The following JMJD1C variants were observed in gnomAD, a reference collection of about 807,000 sequenced individuals.
JMJD1C encodes the protein jumonji domain containing 1C.
JMJD1C carries 31 observed loss-of-function variants against 245.3 expected under a neutral mutation model. The observed-to-expected ratio is 0.13, with a 90% confidence interval of 0.09 to 0.17. JMJD1C has a LOEUF of 0.17. JMJD1C is among the 10% of genes least tolerant of loss of function. The pLI, the probability that JMJD1C is intolerant of heterozygous loss-of-function variation, is 1.00. For synonymous variants in JMJD1C, 1,057 were observed against 1,017.4 expected, an observed-to-expected ratio of 1.04 and a Z score of -0.74; for missense variants, 2,691 against 3,000.2, an observed-to-expected ratio of 0.90 and a Z score of 2.41.
At chr10:63,388,580 G>A (rs193042768) in intron 1 of JMJD1C, among the ~76,000 whole-genome samples, 1 of 152,152 alleles carries the variant, frequency 6.6e-6, no homozygotes, top group East Asian at 1.9e-4. Flanking sequence ...TCAAGGAAGA[G>A]AAAAGCCTCA....
intron 3 of JMJD1C, among the ~76,000 whole-genome samples, chr10:63,223,752 T>G (rs1421569175): frequency 6.6e-6 from 1 of 151,518 alleles, no homozygotes; most frequent in African/African-American, 2.4e-5. Context: ...TTATAAATAT[T>G]TTTTGTTTTG....
At chr10:63,267,435 G>A (rs1564709807) in intron 2 of JMJD1C, among the ~76,000 whole-genome samples, 1 of 152,052 alleles carries the variant, frequency 6.6e-6, no homozygotes, top group Non-Finnish European at 1.5e-5. Flanking sequence ...AAAAACAAAT[G>A]GGTCCTACAG....
At chr10:63,305,896 T>A (rs537313737) in intron 2 of JMJD1C, among the ~76,000 whole-genome samples, 34 of 151,936 alleles carry the variant, frequency 2.2e-4, no homozygotes, top group African/African-American at 8.2e-4. Context: ...ACTAATTTTT[T>A]TATTTTTTGT....
chr10:63,387,907 T>A lies in JMJD1C; in HGVS notation c.169-7425A>T, dbSNP rs563490852. Among the ~76,000 whole-genome samples the A allele has an allele frequency of 9.2e-5, 14 of 152,080 alleles. No homozygotes were observed. The South Asian group carries it at 2.9e-3, about 32-fold the overall frequency. On this transcript the variant is annotated intron_variant, in intron 1 of 25. Transcript: ENST00000399262. ...GTCTCAGCCTCCCAAAGTGCTGGGA[T>A]TACAGGCGTGAGCCACTGCGCCTGG...
intron 13 of JMJD1C, among the ~76,000 whole-genome samples, chr10:63,195,561 A>G (rs1045066084): frequency 1.3e-5 from 2 of 152,104 alleles, no homozygotes; most frequent in Admixed American, 1.3e-4. Flanking sequence ...AAACCTACTC[A>G]ATCTGAGTTT....
intron 1 of JMJD1C, among the ~76,000 whole-genome samples, chr10:63,438,261 CA>C (rs1013843651): frequency 1.2e-4 from 19 of 152,094 alleles, no homozygotes; most frequent in Non-Finnish European, 2.1e-4. Context: ...TTGCAGGAGC[CA>C]AAACCTTAGA....
At chr10:63,332,306 G>A (rs1353982596) in intron 2 of JMJD1C, among the ~76,000 whole-genome samples, 2 of 152,288 alleles carry the variant, frequency 1.3e-5, no homozygotes, top group Non-Finnish European at 2.9e-5. Flanking sequence ...GTCAATTCAT[G>A]ATTTCTAGGA....
chr10:63,484,135 T>C (rs181913909), intron 1 of JMJD1C, among the ~76,000 whole-genome samples: 80 of 151,916 alleles, frequency 5.3e-4, no homozygotes, highest in African/African-American at 1.9e-3. Context: ...AAAGGCAGTG[T>C]TTATATTCAC....
upstream of JMJD1C, among the ~76,000 whole-genome samples, chr10:63,468,042 C>T (rs1020271001): frequency 6.6e-6 from 1 of 152,150 alleles, no homozygotes; most frequent in Non-Finnish European, 1.5e-5. Context: ...GCAAACTGCT[C>T]TAAATGGGCC....
chr10:63,398,645 ATTTTT>A (rs61130615), intron 1 of JMJD1C, among the ~76,000 whole-genome samples: 2 of 122,664 alleles, frequency 1.6e-5, no homozygotes, highest in East Asian at 4.8e-4. Context: ...CTGAAAAAAA[ATTTTT>A]TTTTTTTTTT....
At chr10:63,215,185 C>A in intron 7 of JMJD1C, 34 bp from the exon 8 acceptor site, 1 of 1,502,710 alleles carries the variant, frequency 6.7e-7, no homozygotes. Flanking sequence ...TCTTATTTTT[C>A]ATACTAAATA....
chr10:63,391,530 C>CAACAA (rs1427434538), intron 1 of JMJD1C, among the ~76,000 whole-genome samples: 2 of 151,652 alleles, frequency 1.3e-5, no homozygotes, highest in East Asian at 3.9e-4. Context: ...ACAACAACAA[C>CAACAA]AACAACAACA....
At chr10:63,480,628 T>C (rs965740371) in intron 1 of JMJD1C, among the ~76,000 whole-genome samples, 29 of 19,760 alleles carry the variant, frequency 1.5e-3, no homozygotes, top group Non-Finnish European at 3.2e-3. Context: ...AAAGTACTAT[T>C]GTAAAAAAAA....
intron 24 of JMJD1C, among the ~76,000 whole-genome samples, chr10:63,169,246 A>C (rs191451908): frequency 3.9e-5 from 6 of 152,276 alleles, no homozygotes; most frequent in Non-Finnish European, 7.4e-5. Flanking sequence ...AAGCCAGTCA[A>C]TAGTCTTATC....
intron 1 of JMJD1C, among the ~76,000 whole-genome samples, chr10:63,430,932 T>C (rs933301945): frequency 2.0e-5 from 3 of 152,232 alleles, no homozygotes; most frequent in Non-Finnish European, 4.4e-5. Context: ...TTTTGTTTCG[T>C]TCGATGAAGA....
chr10:63,323,173 C>T (rs1355697603), intron 2 of JMJD1C, among the ~76,000 whole-genome samples: 1 of 152,082 alleles, frequency 6.6e-6, no homozygotes, highest in Non-Finnish European at 1.5e-5. Flanking sequence ...ACAGGTAGTG[C>T]TAAAGCTGAA....
chr10:63,261,218 T>C (rs1189779844), intron 3 of JMJD1C, among the ~76,000 whole-genome samples: 3 of 152,152 alleles, frequency 2.0e-5, no homozygotes, highest in Non-Finnish European at 4.4e-5. Flanking sequence ...TCATGTTTCT[T>C]TCCAAAATAC....
At chr10:63,313,750 G>A (rs1466090484) in intron 2 of JMJD1C, among the ~76,000 whole-genome samples, 1 of 152,166 alleles carries the variant, frequency 6.6e-6, no homozygotes, top group Non-Finnish European at 1.5e-5. Context: ...ATTCTTTTGA[G>A]AATTGTCTAT....
At chr10:63,422,662 C>T (rs1463799518) in intron 1 of JMJD1C, among the ~76,000 whole-genome samples, 10 of 152,004 alleles carry the variant, frequency 6.6e-5, no homozygotes, top group Non-Finnish European at 1.3e-4. Flanking sequence ...CTACTTTTTG[C>T]GTAGAGAGCA....
Sources: allele counts gnomAD v4.1 joint callset (sites outside exome capture counted in the v4.1 genomes callset), GRCh38; gene constraint gnomAD v4.1.1; transcripts MANE v1.5; gene names NCBI Gene and HGNC (gene_info 2026-07-23, HGNC 2026-07-21).